LILRB5: variants seen among roughly 807,000 people sequenced by gnomAD.
The protein encoded by LILRB5 is leukocyte immunoglobulin-like receptor subfamily B member 5.
A neutral mutation model predicts 68.4 loss-of-function variants in LILRB5; 61 were observed. The ratio of observed to expected loss-of-function variants is 0.89; its 90% CI spans 0.73 to 1.10. LILRB5 has a LOEUF of 1.10. LILRB5 is among the 50% of genes least tolerant of loss of function. LILRB5 has a pLI of 0.00. For synonymous variants in LILRB5, 356 were observed against 315.8 expected, an observed-to-expected ratio of 1.13 and a Z score of -1.35; for missense variants, 771 against 751.6, an observed-to-expected ratio of 1.03 and a Z score of -0.30.
At chr19:54,252,207 A>C in intron 11 of LILRB5, 101 bp from the exon 12 acceptor site, 1 of 1,489,944 alleles carries the variant, frequency 6.7e-7, no homozygotes, top group South Asian at 1.2e-5. Context: ...GCTGAGATCC[A>C]GGGAGGGACT....
chr19:54,255,551 C>A lies in LILRB5; in HGVS notation c.687G>T (p.Pro229=), dbSNP rs150939130. The A allele has an allele frequency of 6.2e-6, 10 of 1,613,674 alleles. No homozygotes were observed. Among genetic ancestry groups the A allele is most frequent in the African/African-American group, 1.3e-5 (1 of 74,912 alleles). The part of the protein sequence containing the change: ...GVSRKPSLLI[P]QGSVVARGGS... ...CTCCGCGGGCCACGACAGAGCCCTG[C>A]GGGATCAGGAGGGAGGGCTTCCTAG... The change falls in exon 5 of 13, where the codon CCG becomes CCT. Residue 229 remains proline (P), a synonymous_variant. Transcript: ENST00000449561.
chr19:54,250,142 G>A lies in LILRB5; in HGVS notation c.*644C>T, dbSNP rs1290452207. On this transcript the variant is annotated 3_prime_UTR_variant, in exon 13 of 13. Transcript: ENST00000449561. ...TGCACATGTATCCCTGAACTTAAAA[G>A]TGAAAAAAATAAAGGCAATATGTGT... is the stretch of plus-strand genomic sequence containing the variant. The A allele has an allele frequency of 1.3e-5, 2 of 152,498 alleles. No individual in the cohort carries two copies. The highest frequency in any genetic ancestry group is 4.8e-5 in the African/African-American group (2 of 41,450). The allele number at this position is 152,498 out of a possible 1,614,324, so 9.4% of individuals were successfully genotyped here. A position where few individuals can be genotyped will look rare whatever the true frequency, so the allele number is the denominator to read the frequency against.
In LILRB5 at chr19:54,255,454, C is replaced by T; in HGVS notation, c.784G>A (p.Asp262Asn). The change falls in exon 5 of 13, where the codon GAC becomes AAC. Residue 262 changes from aspartate (D) to asparagine (N), a missense_variant. Transcript: ENST00000449561. The stretch of plus-strand genomic sequence containing the variant: ...TGCTGGCCAGAGCCCTGGACGAGGT[C>T]ATGTTCCCCCTCCTTGTACAGAACG... ...IFVLYKEGEH[D>N]LVQGSGQQPQ... 2 of 1,614,110 alleles carry T rather than the reference C, an allele frequency of 1.2e-6. No individual in the cohort carries two copies. The highest frequency in any genetic ancestry group is 1.7e-6 in the Non-Finnish European group (2 of 1,180,012).
At chr19:54,252,235 C>G in intron 11 of LILRB5, 129 bp from the exon 12 acceptor site, 1 of 1,439,254 alleles carries the variant, frequency 6.9e-7, no homozygotes, top group Non-Finnish European at 9.7e-7. Flanking sequence ...CCCTGAGGTC[C>G]CACAGTGTGG....
chr19:54,257,102 G>A (rs746805359), intron 1 of LILRB5, 58 bp downstream of exon 1: 20 of 1,613,656 alleles, frequency 1.2e-5, no homozygotes, highest in Non-Finnish European at 1.5e-5. Context: ...CCAGAGCCTC[G>A]CTTTAGAGTG....
Position 54,256,621 on chromosome 19 carries a change from G to A in LILRB5, c.223C>T (p.Leu75=). 6.2e-7 allele frequency: 1 copy of A among 1,614,146 alleles called. No homozygotes were observed. The highest frequency in any genetic ancestry group is 8.5e-7 in the Non-Finnish European group (1 of 1,180,002). The change falls in exon 3 of 13, where the codon CTG becomes TTG. Residue 75 remains leucine, a synonymous_variant. Coordinates refer to ENST00000449561, the MANE Select transcript of LILRB5 (RefSeq NM_001081442.3). ...AACTTGGCCTTGGCTCCAGGCTCCA[G>A]TGGGTTCTGTCTCTTCCGGGCCCAT... ...LPWARKRQNP[L]EPGAKAKFHI...
chr19:54,254,728 C>A lies in LILRB5; in HGVS notation c.1255+7G>T, dbSNP rs751408543. 2 of 1,613,618 alleles carry A rather than the reference C, an allele frequency of 1.2e-6. No individual in the cohort carries two copies. Among genetic ancestry groups the A allele is most frequent in the Non-Finnish European group, 1.7e-6 (2 of 1,179,744 alleles). On this transcript the variant is annotated splice_region_variant and intron_variant, in intron 6 of 12. Transcript: ENST00000449561. ...GAGCTTGGACAGGACAGGGTCAGGG[C>A]CCTCACCTGAGACCACGAGCTCCTG... is the stretch of plus-strand genomic sequence containing the variant.
chr19:54,255,995 C>A (rs758773916), intron 4 of LILRB5, 48 bp downstream of exon 4: 2 of 1,442,396 alleles, frequency 1.4e-6, no homozygotes, highest in Admixed American at 2.3e-5. Context: ...TCCCAACAAC[C>A]TATCTGGTTC....
chr19:54,257,101 C>T (rs555674940), intron 1 of LILRB5, 59 bp downstream of exon 1: 13 of 1,613,962 alleles, frequency 8.1e-6, no homozygotes, highest in East Asian at 4.5e-5. Context: ...ACCAGAGCCT[C>T]GCTTTAGAGT....
In LILRB5 at chr19:54,256,983, G is replaced by T. The variant is rs550980840; in HGVS notation, c.48C>A (p.Gly16=). Residue 16 remains glycine (G), a synonymous_variant, in exon 2 of 13, where the codon GGC becomes GGA. Transcript: ENST00000449561. The part of the protein sequence containing the change: ...SVLICLGLSV[G]PRTCVQAGTL... The stretch of plus-strand genomic sequence containing the variant: ...CACCTGCCTGCACGCAGGTCCTGGG[G>T]CCCACACTCAGCCCTGGAAGAGAGT... The T allele has an allele frequency of 1.5e-5, 25 of 1,614,198 alleles. No homozygotes were observed. The South Asian group carries it at 2.5e-4, about 16-fold the overall frequency.
rs769434013 is a variant in LILRB5, at chr19:54,252,995, G to A, written c.1358-8C>T. 19 of 1,537,624 alleles carry A rather than the reference G, an allele frequency of 1.2e-5. No individual in the cohort carries two copies. Among genetic ancestry groups the A allele is most frequent in the Middle Eastern group, 1.8e-4 (1 of 5,668 alleles). ...CCAGGTGCCTTCCCAGACCTTGAGC[G>A]TGATGACGTTGGGAATGGGGATGAC... On this transcript the variant is annotated splice_region_variant and splice_polypyrimidine_tract_variant and intron_variant, in intron 8 of 12. Transcript: ENST00000449561.
intron 5 of LILRB5, 34 bp from the exon 6 acceptor site, chr19:54,255,071 C>G (rs774737048): frequency 6.4e-6 from 10 of 1,567,266 alleles, no homozygotes; most frequent in Middle Eastern, 1.7e-4. Flanking sequence ...GGGGCTGCCC[C>G]ACCTTGCTCT....
In LILRB5 at chr19:54,256,029, G is replaced by T; in HGVS notation, c.655+14C>A. The stretch of plus-strand genomic sequence containing the variant: ...TCCCCAAAATTATATAAAGAAGTGT[G>T]GTGGCTTTTTCACCTGGGACCAGAA... On this transcript the variant is annotated intron_variant, in intron 4 of 12. Coordinates refer to ENST00000449561, the MANE Select transcript of LILRB5 (RefSeq NM_001081442.3). 2.6e-6 allele frequency: 4 copies of T among 1,524,120 alleles called. No individual in the cohort carries two copies. Among genetic ancestry groups the T allele is most frequent in the Non-Finnish European group, 3.5e-6 (4 of 1,138,948 alleles). The allele number at this position is 1,524,120 out of a possible 1,614,324, so 94.4% of individuals were successfully genotyped here. A position where few individuals can be genotyped will look rare whatever the true frequency, so the allele number is the denominator to read the frequency against.
chr19:54,251,769 G>GA (rs2078960693), intron 12 of LILRB5: 1 of 668,602 alleles, frequency 1.5e-6, no homozygotes, highest in African/African-American at 1.8e-5. Flanking sequence ...CTGGGGGACC[G>GA]GGTCGGTTCA....
At position 54,255,420 on chromosome 19, in the gene LILRB5, G is replaced by C; in HGVS notation, c.818C>G (p.Ala273Gly). The change falls in exon 5 of 13, where the codon GCT (alanine) becomes GGT (glycine). Residue 273 changes from alanine (A) to glycine (G), a missense_variant. Coordinates refer to ENST00000449561, the MANE Select transcript of LILRB5 (RefSeq NM_001081442.3). ...GGTGAAGTTGGCCTGGGAGAGCCCAGCCTGGGGCTGCTGGCCAGAGCCCTG... is the reference window on the plus strand; with the variant it reads ...GGTGAAGTTGGCCTGGGAGAGCCCACCCTGGGGCTGCTGGCCAGAGCCCTG... ...LVQGSGQQPQ[A>G]GLSQANFTLG... 1 of 1,614,142 alleles carries C rather than the reference G, an allele frequency of 6.2e-7. No individual in the cohort carries two copies. The highest frequency in any genetic ancestry group is 8.5e-7 in the Non-Finnish European group (1 of 1,180,016).
chr19:54,251,594 C>A (rs1433455935), intron 12 of LILRB5: 4 of 572,558 alleles, frequency 7.0e-6, no homozygotes, highest in Non-Finnish European at 1.4e-5. Context: ...CAGCACGTTG[C>A]ACTCCTGGAC....
At chr19:54,254,335 C>T in intron 7 of LILRB5, 30 bp downstream of exon 7, 2 of 1,557,180 alleles carry the variant, frequency 1.3e-6, no homozygotes, top group East Asian at 4.8e-5. Flanking sequence ...GACCACGCTC[C>T]CTCCGAGCCC....
At position 54,256,315 on chromosome 19, in the gene LILRB5, G is replaced by A. The variant is rs769013755; in HGVS notation, c.383C>T (p.Ala128Val). The change falls in exon 4 of 13, where the codon GCC becomes GTC. Residue 128 changes from alanine to valine, a missense_variant. By Grantham distance (64) the Ala-to-Val change is moderately conservative (BLOSUM62 0). Coordinates refer to ENST00000449561, the MANE Select transcript of LILRB5 (RefSeq NM_001081442.3). ...TGFYAEPTLL[A>V]LPSPVVASGG... is the part of the protein sequence containing the mutation. Reference sequence around the variant, plus strand: ...TGAGGCCACCACAGGACTCGGCAGGGCTAAAAGAGTGGGTTCTGCATAGAA... The same window carrying A: ...TGAGGCCACCACAGGACTCGGCAGGACTAAAAGAGTGGGTTCTGCATAGAA... 1.9e-6 allele frequency: 3 copies of A among 1,611,452 alleles called. No individual in the cohort carries two copies. Among genetic ancestry groups the A allele is most frequent in the Non-Finnish European group, 2.5e-6 (3 of 1,179,064 alleles).
At chr19:54,252,272 A>G in intron 11 of LILRB5, 94 bp downstream of exon 11, 1 of 1,407,970 alleles carries the variant, frequency 7.1e-7, no homozygotes, top group South Asian at 1.2e-5. Context: ...CCTTGGCCCC[A>G]GACCCCCCCC....
Sources: allele counts gnomAD v4.1 joint callset, GRCh38; gene constraint gnomAD v4.1.1; transcripts MANE v1.5; gene names NCBI Gene and HGNC (gene_info 2026-07-23, HGNC 2026-07-21).